Variants in TLK2 observed in about 807,000 individuals in gnomAD.
The protein encoded by TLK2 is serine/threonine-protein kinase tousled-like 2.
TLK2 carries 6 observed loss-of-function variants against 117.3 expected under a neutral mutation model. The observed-to-expected ratio is 0.05, with a 90% CI of 0.03 to 0.10. The LOEUF (loss-of-function observed/expected upper bound fraction) is 0.10, where lower values mean the gene tolerates loss of function less well. Among genes scored for constraint, TLK2 ranks in the 10% least tolerant of loss-of-function variants. The probability of loss-of-function intolerance (pLI) is 1.00; values close to 1 mark genes in which losing one functional copy is unlikely to be tolerated. For missense variants in TLK2, 299 were observed against 901.2 expected, an observed-to-expected ratio of 0.33 and a Z score of 8.56; for synonymous variants, 257 against 316.7, an observed-to-expected ratio of 0.81 and a Z score of 2.00.
upstream of TLK2, among the ~76,000 whole-genome samples, chr17:62,478,341 G>A (rs2071164290): frequency 6.6e-6 from 1 of 151,246 alleles, no homozygotes; most frequent in Admixed American, 6.6e-5. Context: ...GGTTGGGCGG[G>A]CGCGGGGGCC....
At chr17:62,535,398 A>G (rs2077042786) in intron 6 of TLK2, among the ~76,000 whole-genome samples, 2 of 152,162 alleles carry the variant, frequency 1.3e-5, no homozygotes, top group African/African-American at 4.8e-5. Flanking sequence ...TTTTGCTTGC[A>G]TTTATTTTAG....
chr17:62,496,911 C>G (rs1009293443), intron 2 of TLK2, among the ~76,000 whole-genome samples: 1 of 148,548 alleles, frequency 6.7e-6, no homozygotes, highest in Non-Finnish European at 1.5e-5. Context: ...GAGCCAAGAT[C>G]GCGCCACTGC....
chr17:62,582,916 A>AATGT (rs909540287), intron 15 of TLK2, among the ~76,000 whole-genome samples: 3 of 152,188 alleles, frequency 2.0e-5, no homozygotes, highest in African/African-American at 7.2e-5. Context: ...TACTTAGCAT[A>AATGT]ATGTCCTCAA....
chr17:62,576,535 C>T (rs1158833530), intron 12 of TLK2, among the ~76,000 whole-genome samples, 174 bp from the exon 13 acceptor site: 2 of 152,150 alleles, frequency 1.3e-5, no homozygotes, highest in East Asian at 1.9e-4. Context: ...CACATCACAT[C>T]TGGTAAATCA....
At chr17:62,549,355 T>A (rs1477283262) in intron 7 of TLK2, among the ~76,000 whole-genome samples, 1 of 110,172 alleles carries the variant, frequency 9.1e-6, no homozygotes, top group African/African-American at 3.5e-5. Flanking sequence ...GACGAGATCG[T>A]GCCACTACAC....
intron 2 of TLK2, among the ~76,000 whole-genome samples, chr17:62,517,156 C>T (rs2075665963): frequency 6.6e-6 from 1 of 152,188 alleles, no homozygotes; most frequent in Non-Finnish European, 1.5e-5. Context: ...CCGCCTGCCT[C>T]ACCCTCCCAA....
chr17:62,585,318 C>A (rs539891281), intron 15 of TLK2, among the ~76,000 whole-genome samples: 1 of 152,196 alleles, frequency 6.6e-6, no homozygotes, highest in Admixed American at 6.5e-5. Context: ...CGAAGCGGGG[C>A]GGATCGCCTG....
intron 21 of TLK2, among the ~76,000 whole-genome samples, chr17:62,610,134 T>C (rs2083624386): frequency 6.6e-6 from 1 of 152,250 alleles, no homozygotes; most frequent in Non-Finnish European, 1.5e-5. Context: ...ATATAACTTT[T>C]GTCAAATTTT....
At chr17:62,487,620 C>CTT (rs71155932) in intron 2 of TLK2, among the ~76,000 whole-genome samples, 5,949 of 104,280 alleles carry the variant, frequency 0.057, 684 homozygotes, top group African/African-American at 0.12. Context: ...TGGCAAGTAT[C>CTT]TTTTTTTTTT....
At position 62,478,908 on chromosome 17, in the gene TLK2, C is replaced by G. The variant is rs1213852841; in HGVS notation, c.-388C>G. The G allele has an allele frequency of 6.6e-6, 1 of 152,158 alleles. No homozygotes were observed. Among genetic ancestry groups the G allele is most frequent in the African/African-American group, 2.4e-5 (1 of 41,360 alleles). The allele number at this position is 152,158 out of a possible 1,614,324, so 9.4% of individuals were successfully genotyped here. On this transcript the variant is annotated 5_prime_UTR_variant, in exon 1 of 22. Coordinates refer to ENST00000346027, the MANE Select transcript of TLK2 (RefSeq NM_006852.6). ...CAGCGGTTCCGACCCCCCCGCCCTC[C>G]GCGCCGCACCCGAGTGGCCCCCAGC...
At chr17:62,522,052 T>A (rs1004020478) in intron 3 of TLK2, 152 bp from the exon 4 acceptor site, 1 of 813,118 alleles carries the variant, frequency 1.2e-6, no homozygotes, top group Non-Finnish European at 1.9e-6. Flanking sequence ...TACTCTTTGT[T>A]ATACTCAGTT....
At chr17:62,579,627 T>C (rs1346112738) in intron 14 of TLK2, among the ~76,000 whole-genome samples, 1 of 152,198 alleles carries the variant, frequency 6.6e-6, no homozygotes, top group Non-Finnish European at 1.5e-5. Context: ...CAGTTATATC[T>C]GTCTTAAAGA....
At chr17:62,523,054 C>T (rs957532813) in intron 4 of TLK2, 80 bp from the exon 5 acceptor site, 82 of 1,363,478 alleles carry the variant, frequency 6.0e-5, no homozygotes, top group Admixed American at 2.8e-5. Context: ...TATGTAGTTA[C>T]TGAATGTATA....
At position 62,608,118 on chromosome 17, in the gene TLK2, G is replaced by T. The variant is rs1211084041; in HGVS notation, c.2049G>T (p.Pro683=). Residue 683 remains proline, a synonymous_variant, in exon 21 of 22, where the codon CCG becomes CCT. Transcript: ENST00000346027. ...TILKATEVQF[P]PKPVVTPEAK... The stretch of plus-strand genomic sequence containing the variant: ...TTAAAGCTACTGAAGTGCAGTTCCC[G>T]CCAAAGCCAGTAGTAACACCTGAAG... 6.2e-7 allele frequency: 1 copy of T among 1,613,860 alleles called. No homozygotes were observed. The highest frequency in any genetic ancestry group is 8.5e-7 in the Non-Finnish European group (1 of 1,179,946).
chr17:62,541,495 T>A (rs185432118), intron 7 of TLK2, among the ~76,000 whole-genome samples: 4 of 152,350 alleles, frequency 2.6e-5, no homozygotes, highest in Admixed American at 2.6e-4. Context: ...TATACACCAA[T>A]GAAAGATTTC....
chr17:62,598,127 T>A (rs1393316692), intron 17 of TLK2, among the ~76,000 whole-genome samples: 1 of 152,194 alleles, frequency 6.6e-6, no homozygotes, highest in Non-Finnish European at 1.5e-5. Flanking sequence ...TAGCCATGTG[T>A]GTTTCACGTG....
intron 6 of TLK2, among the ~76,000 whole-genome samples, chr17:62,524,779 T>C (rs1275993081): frequency 6.6e-6 from 1 of 152,190 alleles, no homozygotes; most frequent in Non-Finnish European, 1.5e-5. Flanking sequence ...GTAAAAGAGA[T>C]CTGAAGGTCT....
intron 10 of TLK2, among the ~76,000 whole-genome samples, chr17:62,562,660 C>G (rs1017554048): frequency 4.6e-5 from 7 of 152,074 alleles, no homozygotes; most frequent in Non-Finnish European, 1.0e-4. Flanking sequence ...CTGACAGATC[C>G]AAGGGTTGGT....
chr17:62,555,627 C>T (rs1384960162), intron 9 of TLK2, among the ~76,000 whole-genome samples: 2 of 151,112 alleles, frequency 1.3e-5, no homozygotes, highest in Admixed American at 6.6e-5. Flanking sequence ...GGATTACAGG[C>T]GCCCGCCACC....
Sources: gnomAD v4.1 joint callset for allele counts (sites outside exome capture counted in the v4.1 genomes callset) on GRCh38, gnomAD v4.1.1 for gene constraint, MANE v1.5 for transcripts, NCBI Gene and HGNC (gene_info 2026-07-23, HGNC 2026-07-21) for gene names.